Variants in CUL4B observed in about 807,000 individuals in gnomAD.
The protein encoded by CUL4B is cullin-4B.
A neutral mutation model predicts 69.2 loss-of-function variants in CUL4B; 1 was observed. The ratio of observed to expected loss-of-function variants is 0.01; its 90% CI spans 0.01 to 0.07. The LOEUF is 0.07. Among genes scored for constraint, CUL4B ranks in the 10% least tolerant of loss-of-function variants. The pLI is 1.00. For missense variants in CUL4B, 328 were observed against 638.8 expected (o/e 0.51, Z 5.24); for synonymous variants, 237 against 223.2 (o/e 1.06, Z -0.55).
At chrX:120,533,751 T>C (rs1044468207) in intron 17 of CUL4B, among the ~76,000 whole-genome samples, 2 of 111,635 alleles carry the variant, frequency 1.8e-5, no homozygotes, top group African/African-American at 6.5e-5. Context: ...TCAAGTGTCA[T>C]TTCCCCCTTT....
Position 120,545,913 on chromosome X carries a change from A to G in CUL4B, c.847-396T>C, listed in dbSNP as rs776242480. Among the ~76,000 whole-genome samples, 9 of 110,123 alleles carry G rather than the reference A, an allele frequency of 8.2e-5. No homozygotes were observed. In the East Asian group the frequency reaches 2.6e-3, roughly 31 times the overall value. ...TGGATTTTAAGATTTTAATCTGTAG[A>G]ATATAAGGTATAAACCAGATTAAGA... On this transcript the variant is annotated intron_variant, in intron 4 of 19. Coordinates refer to ENST00000371322, the MANE Select transcript of CUL4B (RefSeq NM_001079872.2).
At chrX:120,567,299 G>A (rs766127119), downstream of CUL4B, among the ~76,000 whole-genome samples, 29 of 107,799 alleles carry the variant, frequency 2.7e-4, no homozygotes, top group Middle Eastern at 9.4e-3. Context: ...AAATTTTTTG[G>A]TATTTTTAGT....
At chrX:120,530,000 A>G (rs1350693131) in intron 19 of CUL4B, 102 bp downstream of exon 19, 1 of 887,688 alleles carries the variant, frequency 1.1e-6, no homozygotes, top group Non-Finnish European at 1.6e-6. Flanking sequence ...TTCTCTCTCT[A>G]AATGGTCATG....
rs1569385048 is a variant in CUL4B, at chrX:120,526,748, C to CAAGG, written c.*9_*12dup. On this transcript the variant is annotated 3_prime_UTR_variant, in exon 20 of 20. Transcript: ENST00000371322. ...CTACTGCATATGACACCAAATGCTGCAAGGCCAACATTCTATGCAATATAG... is the reference window on the plus strand; with the variant it reads ...CTACTGCATATGACACCAAATGCTGCAAGGAAGGCCAACATTCTATGCAATATAG... The CAAGG allele has an allele frequency of 1.8e-6, 2 of 1,123,929 alleles. No individual in the cohort carries two copies. The highest frequency in any genetic ancestry group is 2.4e-6 in the Non-Finnish European group (2 of 820,010). 92.6% of individuals were successfully genotyped at this position (1,123,929 alleles called of 1,213,427 possible). A position where few individuals can be genotyped will look rare whatever the true frequency, so the allele number is the denominator to read the frequency against.
chrX:120,536,827 G>C, intron 15 of CUL4B, 100 bp downstream of exon 15: 2 of 594,923 alleles, frequency 3.4e-6, no homozygotes, highest in East Asian at 3.4e-5. Flanking sequence ...CGAGACCCTG[G>C]GTCTCTATTT....
chrX:120,528,383 G>C lies in CUL4B; in HGVS notation c.2593-1527C>G, dbSNP rs149655449. Among the ~76,000 whole-genome samples, 525 of 104,855 alleles carry C rather than the reference G, an allele frequency of 5.0e-3. 5 individuals carry two copies. Among genetic ancestry groups the C allele is most frequent in the African/African-American group, 0.018 (502 of 28,407 alleles). The allele number at this position is 104,855 out of a possible 115,157, so 91.1% of individuals were successfully genotyped here. On this transcript the variant is annotated intron_variant, in intron 19 of 19. Transcript: ENST00000371322. Reference sequence around the variant, plus strand: ...GATCGCGCCACTGCACTCCAACCTGGGTGACAGAGCAAGAAGACTCCATCT... The same window carrying C: ...GATCGCGCCACTGCACTCCAACCTGCGTGACAGAGCAAGAAGACTCCATCT...
At chrX:120,566,375 ATATATATATATATATG>A (rs1426340510), upstream of CUL4B, among the ~76,000 whole-genome samples, 2 of 63,967 alleles carry the variant, frequency 3.1e-5, no homozygotes, top group African/African-American at 9.3e-5. Flanking sequence ...ATATATATAT[ATATATATATATATATG>A]TATATATATT....
At chrX:120,567,445 C>G (rs1464228913), downstream of CUL4B, among the ~76,000 whole-genome samples, 1 of 110,104 alleles carries the variant, frequency 9.1e-6, no homozygotes, top group Admixed American at 9.7e-5. Context: ...GATTTAAATC[C>G]AGGGTTCCCA....
chrX:120,545,741 C>T (rs1245298822), intron 4 of CUL4B, among the ~76,000 whole-genome samples: 1 of 108,938 alleles, frequency 9.2e-6, no homozygotes, highest in East Asian at 2.9e-4. Flanking sequence ...TTAAAATGGC[C>T]CTCTGATTTA....
In CUL4B at chrX:120,540,419, T is replaced by C. The variant is rs1014119694; in HGVS notation, c.1587A>G (p.Ala529=). 3.3e-6 allele frequency: 4 copies of C among 1,208,854 alleles called. No homozygotes were observed. Among genetic ancestry groups the C allele is most frequent in the Non-Finnish European group, 4.5e-6 (4 of 894,046 alleles). ...GTCTTTTGTTAATGAACGTTTCAAA[T>C]GCTTCTTTCATGGCATTGATAAATT... The part of the protein sequence containing the change: ...NEKFINAMKE[A]FETFINKRPN... Residue 529 remains alanine (A), a synonymous_variant, in exon 11 of 20, where the codon GCA becomes GCG. Coordinates refer to ENST00000371322, the MANE Select transcript of CUL4B (RefSeq NM_001079872.2).
Position 120,560,174 on chromosome X carries a change from T to C in CUL4B, c.465A>G (p.Ala155=). Residue 155 remains alanine, a synonymous_variant, in exon 1 of 20, where the codon GCA becomes GCG. Transcript: ENST00000371322. ...LISSVASVHH[A]NGLAKSSTTV... is the part of the protein sequence containing the mutation. ...TGGTAGAAGATTTGGCTAGGCCGTT[T>C]GCATGATGCACCGAAGCCACAGAAG... The C allele has an allele frequency of 1.7e-6, 2 of 1,211,964 alleles. No individual in the cohort carries two copies. Among genetic ancestry groups the C allele is most frequent in the Non-Finnish European group, 2.2e-6 (2 of 895,519 alleles).
intron 2 of CUL4B, among the ~76,000 whole-genome samples, chrX:120,573,454 A>G (rs1215949292): frequency 8.9e-6 from 1 of 112,041 alleles, no homozygotes; most frequent in African/African-American, 3.3e-5. Flanking sequence ...GTATAAAAGT[A>G]TTTCTGAGGA....
upstream of CUL4B, among the ~76,000 whole-genome samples, chrX:120,566,369 A>ATATATATATATG (rs1925536748): frequency 3.5e-5 from 2 of 56,465 alleles, no homozygotes; most frequent in African/African-American, 1.1e-4. Flanking sequence ...ATATATATAT[A>ATATATATATATG]TATATATATA....
chrX:120,534,444 G>A lies in CUL4B; in HGVS notation c.2266+37C>T. The A allele has an allele frequency of 3.5e-6, 3 of 857,205 alleles. No individual in the cohort carries two copies. In the South Asian group the frequency reaches 6.0e-5, roughly 17 times the overall value. The allele number at this position is 857,205 out of a possible 1,213,427, so 70.6% of individuals were successfully genotyped here. A position where few individuals can be genotyped will look rare whatever the true frequency, so the allele number is the denominator to read the frequency against. On this transcript the variant is annotated intron_variant, in intron 17 of 19. Coordinates refer to ENST00000371322, the MANE Select transcript of CUL4B (RefSeq NM_001079872.2). ...GTCCCCCAGACCTCTTAACATAGTG[G>A]TGTGCACATAGTGAACAATTAATGT...
chrX:120,534,059 C>T (rs1923496139), intron 17 of CUL4B, among the ~76,000 whole-genome samples: 2 of 109,302 alleles, frequency 1.8e-5, no homozygotes, highest in Admixed American at 2.0e-4. Flanking sequence ...GAGCAAGATT[C>T]CGTCTTGAGG....
At chrX:120,572,464 C>CAAAAAAAAAAA (rs66749436) in intron 2 of CUL4B, among the ~76,000 whole-genome samples, 14 of 50,354 alleles carry the variant, frequency 2.8e-4, no homozygotes, top group African/African-American at 3.8e-4. Context: ...CAAAACTCCT[C>CAAAAAAAAAAA]AAAAAAAAAA....
chrX:120,541,102 A>G (rs772288046), intron 10 of CUL4B, among the ~76,000 whole-genome samples: 35 of 112,777 alleles, frequency 3.1e-4, no homozygotes, highest in African/African-American at 1.1e-3. Flanking sequence ...TATGTCAGCC[A>G]TCAATCAGGT....
In CUL4B at chrX:120,524,455, A is replaced by G. The variant is rs924298175; in HGVS notation, c.*2306T>C. Among the ~76,000 whole-genome samples the G allele has an allele frequency of 1.8e-5, 2 of 111,682 alleles. No homozygotes were observed. The highest frequency in any genetic ancestry group is 6.5e-5 in the African/African-American group (2 of 30,810). On this transcript the variant is annotated 3_prime_UTR_variant, in exon 20 of 20. Transcript: ENST00000371322. Reference sequence around the variant, plus strand: ...TAACCATGCCCTCCCCCATACTCTTATAGCATTACCACAAAACCATTACAA... The same window carrying G: ...TAACCATGCCCTCCCCCATACTCTTGTAGCATTACCACAAAACCATTACAA...
chrX:120,548,719 A>G (rs1924490843), intron 2 of CUL4B, among the ~76,000 whole-genome samples: 1 of 110,335 alleles, frequency 9.1e-6, no homozygotes. Flanking sequence ...CTGTAATCCC[A>G]GCTACTCAGG....
Sources: gnomAD v4.1 joint callset for allele counts (sites outside exome capture counted in the v4.1 genomes callset) on GRCh38, gnomAD v4.1.1 for gene constraint, MANE v1.5 for transcripts, NCBI Gene and HGNC (gene_info 2026-07-23, HGNC 2026-07-21) for gene names.